SAMD13: variants seen among roughly 807,000 people sequenced by gnomAD.
SAMD13 encodes the protein sterile alpha motif domain containing 13, also known as sterile alpha motif domain-containing protein 13.
SAMD13 carries 9 observed loss-of-function variants against 12.4 expected under a neutral mutation model. That is an observed-to-expected ratio of 0.72 (90% CI 0.44 to 1.26). SAMD13 has a LOEUF of 1.26. SAMD13 is among the 50% of genes most tolerant of loss of function. The pLI, the probability that SAMD13 is intolerant of heterozygous loss-of-function variation, is 0.00. For missense variants in SAMD13, 84 were observed against 119.6 expected (o/e 0.70, Z 1.39); for synonymous variants, 46 against 45.4 (o/e 1.01, Z -0.05).
intron 2 of SAMD13, among the ~76,000 whole-genome samples, chr1:84,322,343 A>C (rs747156196): frequency 1.3e-5 from 2 of 152,236 alleles, no homozygotes; most frequent in Non-Finnish European, 2.9e-5. Flanking sequence ...TCCGGAATCC[A>C]ATCCTAGCTT....
intron 2 of SAMD13, among the ~76,000 whole-genome samples, chr1:84,317,877 G>A (rs1412963991): frequency 6.6e-6 from 1 of 151,998 alleles, no homozygotes; most frequent in Non-Finnish European, 1.5e-5. Context: ...TTACTAGACA[G>A]GTCTGCTTGG....
intron 2 of SAMD13, among the ~76,000 whole-genome samples, chr1:84,325,355 C>G (rs1271914532): frequency 6.6e-6 from 1 of 152,034 alleles, no homozygotes; most frequent in Non-Finnish European, 1.5e-5. Flanking sequence ...ATGTTGAGGT[C>G]ATATCGTAAA....
chr1:84,307,440 G>A (rs1300159306), intron 2 of SAMD13, among the ~76,000 whole-genome samples: 1 of 152,000 alleles, frequency 6.6e-6, no homozygotes, highest in African/African-American at 2.4e-5. Flanking sequence ...CCTTCCTCTA[G>A]CTTCTTGAAC....
intron 3 of SAMD13, among the ~76,000 whole-genome samples, chr1:84,332,190 A>G (rs1338297829): frequency 6.6e-6 from 1 of 152,178 alleles, no homozygotes; most frequent in Non-Finnish European, 1.5e-5. Context: ...TACTGCAGTG[A>G]ACATACAGGT....
At chr1:84,346,215 G>T (rs1249933696) in intron 3 of SAMD13, among the ~76,000 whole-genome samples, 2 of 152,134 alleles carry the variant, frequency 1.3e-5, no homozygotes, top group African/African-American at 4.8e-5. Flanking sequence ...TTAGTCTAAA[G>T]CACATGCTTA....
chr1:84,344,614 C>A (rs1350197510), intron 3 of SAMD13: 1 of 303,542 alleles, frequency 3.3e-6, no homozygotes, highest in African/African-American at 2.2e-5. Context: ...TCCTTTCCAA[C>A]CTTATATGGA....
intron 2 of SAMD13, among the ~76,000 whole-genome samples, chr1:84,310,115 ATATT>A (rs1187735390): frequency 6.6e-6 from 1 of 152,168 alleles, no homozygotes; most frequent in Non-Finnish European, 1.5e-5. Context: ...TCTAGTGGTC[ATATT>A]TAAATAGGTA....
At chr1:84,345,568 C>T (rs867729020) in intron 3 of SAMD13, among the ~76,000 whole-genome samples, 1 of 152,154 alleles carries the variant, frequency 6.6e-6, no homozygotes, top group South Asian at 2.1e-4. Flanking sequence ...ATATGGCCTT[C>T]CCAGTCAGCG....
chr1:84,346,344 T>G (rs1214035370), intron 3 of SAMD13, among the ~76,000 whole-genome samples: 1 of 152,252 alleles, frequency 6.6e-6, no homozygotes, highest in Non-Finnish European at 1.5e-5. Flanking sequence ...GAGTACTTGC[T>G]GGAACTTAAT....
intron 3 of SAMD13, among the ~76,000 whole-genome samples, chr1:84,339,702 T>G (rs1679383189): frequency 1.3e-5 from 2 of 152,068 alleles, no homozygotes; most frequent in South Asian, 4.1e-4. Context: ...TGCACACACA[T>G]CAGCTGGGGA....
At chr1:84,330,158 T>C (rs939996602) in intron 3 of SAMD13, among the ~76,000 whole-genome samples, 1 of 152,196 alleles carries the variant, frequency 6.6e-6, no homozygotes, top group Admixed American at 6.5e-5. Flanking sequence ...TTCTCATGGT[T>C]AGTGGATGGT....
chr1:84,302,457 C>CA (rs934840014), intron 1 of SAMD13, among the ~76,000 whole-genome samples: 11 of 147,574 alleles, frequency 7.5e-5, no homozygotes, highest in African/African-American at 2.5e-4. Context: ...AACAAAAAGA[C>CA]AGAGTGATGG....
chr1:84,333,209 T>C (rs928005498), intron 3 of SAMD13, among the ~76,000 whole-genome samples: 1 of 152,218 alleles, frequency 6.6e-6, no homozygotes, highest in African/African-American at 2.4e-5. Context: ...TTTGGTTCCA[T>C]ATGAATGTTA....
intron 3 of SAMD13, among the ~76,000 whole-genome samples, chr1:84,333,319 T>C (rs985336318): frequency 6.6e-6 from 1 of 152,248 alleles, no homozygotes; most frequent in Non-Finnish European, 1.5e-5. Context: ...ATTTTAATGA[T>C]ATCGATTATT....
chr1:84,299,490 C>A, upstream of SAMD13: 1 of 642,510 alleles, frequency 1.6e-6, no homozygotes, highest in Non-Finnish European at 2.2e-6. Flanking sequence ...CCCCCACACA[C>A]CACATACACA....
At chr1:84,313,106 C>T (rs1301433716) in intron 2 of SAMD13, among the ~76,000 whole-genome samples, 1 of 151,952 alleles carries the variant, frequency 6.6e-6, no homozygotes, top group African/African-American at 2.4e-5. Flanking sequence ...TTGATATATC[C>T]TTTTTGACAG....
chr1:84,347,157 G>A (rs1237345207), intron 3 of SAMD13, among the ~76,000 whole-genome samples: 1 of 152,188 alleles, frequency 6.6e-6, no homozygotes, highest in Non-Finnish European at 1.5e-5. Context: ...TCAGATTGCG[G>A]TTTGCCTGAC....
chr1:84,330,552 A>C (rs917231106), intron 3 of SAMD13, among the ~76,000 whole-genome samples: 1 of 152,214 alleles, frequency 6.6e-6, no homozygotes, highest in African/African-American at 2.4e-5. Flanking sequence ...CAGACTCTGA[A>C]GGCTAAATGA....
chr1:84,314,680 G>T (rs1447781579), intron 2 of SAMD13, among the ~76,000 whole-genome samples: 1 of 152,100 alleles, frequency 6.6e-6, no homozygotes, highest in African/African-American at 2.4e-5. Context: ...ATGTGGAAAG[G>T]GGTGGGAGGG....
Sources: gnomAD v4.1 joint callset for allele counts (sites outside exome capture counted in the v4.1 genomes callset) on GRCh38, gnomAD v4.1.1 for gene constraint, MANE v1.5 for transcripts, NCBI Gene and HGNC (gene_info 2026-07-23, HGNC 2026-07-21) for gene names.